Variants in PTPRG observed in about 807,000 individuals in gnomAD.
The protein encoded by PTPRG is receptor-type tyrosine-protein phosphatase gamma.
Under a neutral mutation model 165.3 loss-of-function variants are expected in PTPRG, and 102 were observed. That is an observed-to-expected ratio of 0.62 (90% confidence interval 0.53 to 0.73). The LOEUF (loss-of-function observed/expected upper bound fraction) is 0.73, where lower values mean the gene tolerates loss of function less well. Ranked by LOEUF, PTPRG falls within the 30% of genes least tolerant of loss-of-function variation. The pLI is 0.00. For synonymous variants in PTPRG, 675 were observed against 669.5 expected (o/e 1.01, Z -0.13); for missense variants, 1,866 against 1,861.4 (o/e 1.00, Z -0.05).
intron 2 of PTPRG, among the ~76,000 whole-genome samples, chr3:61,792,426 A>G (rs769125120): frequency 2.6e-5 from 4 of 151,962 alleles, no homozygotes; most frequent in Admixed American, 6.6e-5. Flanking sequence ...GGGACTCACT[A>G]TGTTGTCCAG....
chr3:62,203,326 G>A lies in PTPRG; in HGVS notation c.1531G>A (p.Val511Ile). The A allele has an allele frequency of 6.2e-7, 1 of 1,613,950 alleles. No homozygotes were observed. The highest frequency in any genetic ancestry group is 8.5e-7 in the Non-Finnish European group (1 of 1,180,012). ...CAGCCAGGCCACAGTGGCCTCGGTG[G>A]TCACCAGCACGCTGCTCGCCGGCCT... ...SGSQATVASVVTSTLLAGLGF... is the reference protein window; with the variant it reads ...SGSQATVASVITSTLLAGLGF... Residue 511 changes from valine to isoleucine, a missense_variant, in exon 12 of 30, where the codon GTC becomes ATC. Around this residue, in one of 3 missense-constraint regions of PTPRG, gnomAD observed 1,452 missense variants for 1,463.0 expected, o/e 0.99. Coordinates refer to ENST00000474889, the MANE Select transcript of PTPRG (RefSeq NM_002841.4). The surrounding 1 kb of genome is among the most constrained non-coding windows in gnomAD (Gnocchi z 6.4).
In PTPRG at chr3:61,734,946, TTCAGA is replaced by T. The variant is rs1217651812; in HGVS notation, c.86-13930_86-13926del. Among the ~76,000 whole-genome samples, 6 of 152,328 alleles carry T rather than the reference TTCAGA, an allele frequency of 3.9e-5. No individual in the cohort carries two copies. In the Middle Eastern group the frequency reaches 0.01, roughly 259 times the overall value. On this transcript the variant is annotated intron_variant, in intron 1 of 29. Coordinates refer to ENST00000474889, the MANE Select transcript of PTPRG (RefSeq NM_002841.4). ...ATGAAACTGCTTTTCCGTCTGACTC[TTCAGA>T]TGGATCTTATAGCATAATTGGTCAG...
chr3:61,857,295 T>G (rs1288220000), intron 2 of PTPRG, among the ~76,000 whole-genome samples: 1 of 152,222 alleles, frequency 6.6e-6, no homozygotes, highest in Non-Finnish European at 1.5e-5. Flanking sequence ...AGGCAAGACT[T>G]GAACCCACCT....
chr3:61,683,899 T>A (rs997633862), intron 1 of PTPRG, among the ~76,000 whole-genome samples: 50 of 152,196 alleles, frequency 3.3e-4, no homozygotes, highest in African/African-American at 1.2e-3. Context: ...AAAGTAGAAA[T>A]TATGTGATTA....
At chr3:61,690,534 TCAC>T (rs1559558815) in intron 1 of PTPRG, among the ~76,000 whole-genome samples, 2 of 152,300 alleles carry the variant, frequency 1.3e-5, no homozygotes, top group East Asian at 3.9e-4. Context: ...AAACAAACAT[TCAC>T]CACAACTAAC....
At chr3:62,153,657 G>T (rs1427864494) in intron 6 of PTPRG, among the ~76,000 whole-genome samples, 1 of 152,208 alleles carries the variant, frequency 6.6e-6, no homozygotes, top group Non-Finnish European at 1.5e-5. Context: ...AACAATGAGA[G>T]TAAGAATAAT....
In PTPRG at chr3:62,107,873, T is replaced by C. The variant is rs558789311; in HGVS notation, c.616-24729T>C. ...GAAAAAGCTTTTAATCAATGCCTTA[T>C]AGACTTTTTAGCATATGCTGATGAT... On this transcript the variant is annotated intron_variant, in intron 5 of 29. Coordinates refer to ENST00000474889, the MANE Select transcript of PTPRG (RefSeq NM_002841.4). Among the ~76,000 whole-genome samples the C allele has an allele frequency of 6.6e-5, 10 of 152,322 alleles. 2 individuals carry two copies. In the South Asian group the frequency reaches 1.7e-3, roughly 25 times the overall value.
At position 61,573,254 on chromosome 3, in the gene PTPRG, C is replaced by T. The variant is rs527789094; in HGVS notation, c.85+10882C>T. The stretch of plus-strand genomic sequence containing the variant: ...GATGGCCCAAGAAGGGGTATGATGT[C>T]GGGGGACAAGGGGGGGAAAGCCAGT... On this transcript the variant is annotated intron_variant, in intron 1 of 29. Coordinates refer to ENST00000474889, the MANE Select transcript of PTPRG (RefSeq NM_002841.4). Among the ~76,000 whole-genome samples the T allele has an allele frequency of 4.0e-5, 6 of 151,534 alleles. No homozygotes were observed. In the East Asian group the frequency reaches 7.8e-4, roughly 20 times the overall value.
intron 27 of PTPRG, 58 bp from the exon 28 acceptor site, chr3:62,282,669 T>C: frequency 6.5e-7 from 1 of 1,528,404 alleles, no homozygotes; most frequent in Non-Finnish European, 8.8e-7. Flanking sequence ...TTCTAGTCAT[T>C]AGATTGTAGA....
intron 5 of PTPRG, among the ~76,000 whole-genome samples, chr3:62,105,061 C>T (rs887709993): frequency 2.7e-4 from 20 of 75,218 alleles, no homozygotes; most frequent in Non-Finnish European, 5.6e-4. Flanking sequence ...AGGCAAGAAA[C>T]GCCTCAGTTA....
intron 4 of PTPRG, among the ~76,000 whole-genome samples, chr3:62,059,470 G>C (rs1159011211): frequency 6.6e-6 from 1 of 152,190 alleles, no homozygotes; most frequent in Admixed American, 6.5e-5. Context: ...CCGAGACCTG[G>C]TATGAAAGAC....
rs115540374 is a variant in PTPRG at position 62,010,171 on chromosome 3, G to T, written c.519+6674G>T. 6.0e-3 allele frequency among the ~76,000 whole-genome samples: 912 copies of T among 152,166 alleles called. 15 individuals are homozygous for T. Among genetic ancestry groups the T allele is most frequent in the African/African-American group, 0.021 (870 of 41,504 alleles). ...TGATCTCAAGCAGTCCTCCCTCTTC[G>T]CCCTCCCAAAGCCTGGGATTTCAGG... On this transcript the variant is annotated intron_variant, in intron 4 of 29. Coordinates refer to ENST00000474889, the MANE Select transcript of PTPRG (RefSeq NM_002841.4).
At chr3:62,110,899 C>T (rs763215921) in intron 5 of PTPRG, among the ~76,000 whole-genome samples, 5 of 152,148 alleles carry the variant, frequency 3.3e-5, no homozygotes, top group African/African-American at 4.8e-5. Context: ...TGAATATGCA[C>T]ACTTTGGGGC....
intron 8 of PTPRG, among the ~76,000 whole-genome samples, chr3:62,176,798 G>A (rs541229577): frequency 5.3e-5 from 8 of 152,194 alleles, no homozygotes; most frequent in African/African-American, 1.9e-4. Flanking sequence ...TACATAGTAG[G>A]TGCACAGTCA....
rs970693877 is a variant in PTPRG at position 62,280,234 on chromosome 3, T to C, written c.3766-1329T>C. On this transcript the variant is annotated intron_variant, in intron 26 of 29. Transcript: ENST00000474889. ...CACACAATCTTCCAAAAAAGTTCTA[T>C]CCCTTACCATTTATTAGCAGAGTGA... 8.6e-5 allele frequency among the ~76,000 whole-genome samples: 13 copies of C among 151,982 alleles called. 1 individual carries two copies. Among genetic ancestry groups the C allele is most frequent in the African/African-American group, 2.9e-4 (12 of 41,408 alleles).
At chr3:62,124,860 A>G (rs1296809549) in intron 5 of PTPRG, among the ~76,000 whole-genome samples, 5 of 152,170 alleles carry the variant, frequency 3.3e-5, no homozygotes, top group African/African-American at 1.2e-4. Context: ...GCATGGCCAG[A>G]ATCTTTCATA....
At chr3:61,975,805 G>T (rs1168824133) in intron 2 of PTPRG, among the ~76,000 whole-genome samples, 1 of 152,078 alleles carries the variant, frequency 6.6e-6, no homozygotes, top group Non-Finnish European at 1.5e-5. Context: ...GGTCTGTAAA[G>T]ATTTTCATCA....
At chr3:61,591,642 G>T (rs1299175692) in intron 1 of PTPRG, among the ~76,000 whole-genome samples, 2 of 152,218 alleles carry the variant, frequency 1.3e-5, no homozygotes, top group Non-Finnish European at 2.9e-5. Flanking sequence ...AGTGAGGTGT[G>T]TAGAGGAACT....
At chr3:61,937,989 G>C (rs1164790743) in intron 2 of PTPRG, among the ~76,000 whole-genome samples, 1 of 151,072 alleles carries the variant, frequency 6.6e-6, no homozygotes, top group Non-Finnish European at 1.5e-5. Flanking sequence ...ATTTTGCCAT[G>C]AGTGCTTTTA....
Sources: allele counts gnomAD v4.1 joint callset (sites outside exome capture counted in the v4.1 genomes callset), GRCh38; gene constraint gnomAD v4.1.1; regional missense constraint gnomAD v4.1.1; non-coding constraint Gnocchi (gnomAD v3.1); transcripts MANE v1.5; gene names NCBI Gene and HGNC (gene_info 2026-07-23, HGNC 2026-07-21).